The following WDR97 variants were observed in gnomAD, a reference collection of about 807,000 sequenced individuals.
WDR97 encodes WD repeat domain 97.
WDR97 carries 111 observed loss-of-function variants against 65.4 expected under a neutral mutation model. The ratio of observed to expected loss-of-function variants is 1.70; its 90% CI spans 1.45 to 1.99. The LOEUF (loss-of-function observed/expected upper bound fraction) is 1.99, where lower values mean the gene tolerates loss of function less well. WDR97 is among the 30% of genes most tolerant of loss of function. WDR97 has a pLI of 0.00. For missense variants in WDR97, 1,674 were observed against 865.0 expected (o/e 1.94, Z -11.73); for synonymous variants, 802 against 397.7 (o/e 2.02, Z -12.10).
At chr8:144,113,912 C>T (rs1216189564) in intron 17 of WDR97, 31 bp downstream of exon 17, 3 of 686,500 alleles carry the variant, frequency 4.4e-6, no homozygotes, top group African/African-American at 1.8e-5. Flanking sequence ...CCCAGGCCAC[C>T]ACGGGAGGTG....
At position 144,109,396 on chromosome 8, in the gene WDR97, CGGGACGCTACGCACCT is replaced by C. The variant is rs1836491694; in HGVS notation, c.1068_1083del (p.Leu357CysfsTer10). The C allele has an allele frequency of 1.4e-6, 1 of 702,558 alleles. No homozygotes were observed. Among genetic ancestry groups the C allele is most frequent in the African/African-American group, 1.7e-5 (1 of 57,390 alleles). The allele number at this position is 702,558 out of a possible 1,614,324, so 43.5% of individuals were successfully genotyped here. ...CCCTGGTGTTGTCGGCCTCGCAGGACGGGACGCTACGCACCTGGGACCTGCAGGCGGCGGCGCAGGT... is the reference window on the plus strand; with the variant it reads ...CCCTGGTGTTGTCGGCCTCGCAGGACGGGACCTGCAGGCGGCGGCGCAGGT... On this transcript the variant is annotated frameshift_variant, in exon 5 of 24. Transcript: ENST00000323662. LOFTEE classifies it high-confidence loss of function.
In WDR97 at chr8:144,111,659, C is replaced by G. The variant is rs143648015; in HGVS notation, c.2515C>G (p.Arg839Gly). 1.7e-5 allele frequency: 12 copies of G among 696,860 alleles called. No individual in the cohort carries two copies. The highest frequency in any genetic ancestry group is 2.6e-5 in the Non-Finnish European group (10 of 381,514). The allele number at this position is 696,860 out of a possible 1,614,324, so 43.2% of individuals were successfully genotyped here. A position where few individuals can be genotyped will look rare whatever the true frequency, so the allele number is the denominator to read the frequency against. ...EDLDAIVARD[R>G]DLQQLRLGLV... ...CTTGGACGCCATAGTGGCCCGGGAC[C>G]GAGACCTTCAGCAGTTGAGGCTGGG... The change falls in exon 12 of 24, where the codon CGA (arginine) becomes GGA (glycine). Residue 839 changes from arginine (R) to glycine (G), a missense_variant. Transcript: ENST00000323662.
In WDR97 at chr8:144,115,981, A is replaced by AGAGGTCCGC. The variant is rs758056527; in HGVS notation, c.4646_4654dup (p.Arg1549_Ala1551dup). The AGAGGTCCGC allele has an allele frequency of 5.0e-5, 35 of 700,820 alleles. No homozygotes were observed. In the Admixed American group the frequency reaches 5.2e-4, roughly 10 times the overall value. 43.4% of individuals were successfully genotyped at this position (700,820 alleles called of 1,614,324 possible). On this transcript the variant is annotated inframe_insertion, in exon 23 of 24. Coordinates refer to ENST00000323662, the MANE Select transcript of WDR97 (RefSeq NM_001316309.2). ...CTCCGGCTGCAGGAGGCCAAGCCGC[A>AGAGGTCCGC]GAGGTCCGCGAGGTCCGCGATGAGA...
At position 144,109,726 on chromosome 8, in the gene WDR97, C is replaced by T. The variant is rs1218528997; in HGVS notation, c.1392C>T (p.Arg464=). The change falls in exon 5 of 24, where the codon CGC becomes CGT. Residue 464 remains arginine, a synonymous_variant. Coordinates refer to ENST00000323662, the MANE Select transcript of WDR97 (RefSeq NM_001316309.2). ...ACCTCCTGTCGGCGGCCACCGGGCG[C>T]ATAGTGAGCTCACTGCTGCTGGAGC... ...SVYLLSAATG[R]IVSSLLLEPE... is the part of the protein sequence containing the mutation. 1.9e-5 allele frequency: 13 copies of T among 681,396 alleles called. No homozygotes were observed. The highest frequency in any genetic ancestry group is 3.5e-5 in the Non-Finnish European group (13 of 376,608). The allele number at this position is 681,396 out of a possible 1,614,324, so 42.2% of individuals were successfully genotyped here.
chr8:144,115,861 G>A lies in WDR97; in HGVS notation c.4595+3G>A, dbSNP rs1836644379. On this transcript the variant is annotated splice_donor_region_variant and intron_variant, in intron 22 of 23. Coordinates refer to ENST00000323662, the MANE Select transcript of WDR97 (RefSeq NM_001316309.2). Reference sequence around the variant, plus strand: ...GTGCCACCTCCGCGGGAGCACTGGTGCGCGGGGCCTGCGCCGGCGGGGCCT... The same window carrying A: ...GTGCCACCTCCGCGGGAGCACTGGTACGCGGGGCCTGCGCCGGCGGGGCCT... The A allele has an allele frequency of 1.4e-6, 1 of 693,932 alleles. No individual in the cohort carries two copies. Among genetic ancestry groups the A allele is most frequent in the Non-Finnish European group, 2.6e-6 (1 of 379,552 alleles). The allele number at this position is 693,932 out of a possible 1,614,324, so 43.0% of individuals were successfully genotyped here.
At position 144,110,981 on chromosome 8, in the gene WDR97, A is replaced by G. The variant is rs1564321271; in HGVS notation, c.2289A>G (p.Thr763=). The G allele has an allele frequency of 1.4e-6, 1 of 702,680 alleles. No individual in the cohort carries two copies. The highest frequency in any genetic ancestry group is 2.7e-5 in the East Asian group (1 of 37,262). 43.5% of individuals were successfully genotyped at this position (702,680 alleles called of 1,614,324 possible). The change falls in exon 9 of 24, where the codon ACA becomes ACG. Residue 763 remains threonine, a synonymous_variant. Coordinates refer to ENST00000323662, the MANE Select transcript of WDR97 (RefSeq NM_001316309.2). ...CLVSHRLYLP[T]SYLVKKMCRK... is the part of the protein sequence containing the mutation. ...TGTCCCACAGGCTCTACCTGCCTAC[A>G]TCCTACCTAGTTAAGGTGTGTGGTG...
At position 144,110,924 on chromosome 8, in the gene WDR97, G is replaced by A. The variant is rs561570693; in HGVS notation, c.2232G>A (p.Leu744=). Residue 744 remains leucine, a synonymous_variant, in exon 9 of 24, where the codon CTG becomes CTA. Transcript: ENST00000323662. ...ALAFCSNSGD[L]VLALGSRLCL... ...CTTTCTGCAGCAACAGTGGAGACCTGGTGCTGGCGCTGGGATCCCGCCTCT... is the reference window on the plus strand; with the variant it reads ...CTTTCTGCAGCAACAGTGGAGACCTAGTGCTGGCGCTGGGATCCCGCCTCT... The A allele has an allele frequency of 1.7e-5, 12 of 702,824 alleles. No homozygotes were observed. In the African/African-American group the frequency reaches 2.1e-4, roughly 12 times the overall value. 43.5% of individuals were successfully genotyped at this position (702,824 alleles called of 1,614,324 possible).
intron 10 of WDR97, 70 bp from the exon 11 acceptor site, chr8:144,111,356 T>A: frequency 1.4e-6 from 1 of 702,726 alleles, no homozygotes; most frequent in Non-Finnish European, 2.6e-6. Flanking sequence ...GGTTGGTCCT[T>A]GTCCCAGCCT....
chr8:144,110,456 A>G lies in WDR97; in HGVS notation c.1959A>G (p.Arg653=). The change falls in exon 7 of 24, where the codon AGA becomes AGG. Residue 653 remains arginine, a synonymous_variant. Transcript: ENST00000323662. ...CCGTGGCGCTCTGTGCGCTAGGCAG[A>G]CGCGTCACCGCGGGCTTTGAGGACC... ...YPAVALCALG[R]RVTAGFEDPD... The G allele has an allele frequency of 1.4e-6, 1 of 702,998 alleles. No individual in the cohort carries two copies. The highest frequency in any genetic ancestry group is 2.7e-5 in the East Asian group (1 of 37,284). 43.5% of individuals were successfully genotyped at this position (702,998 alleles called of 1,614,324 possible).
rs1401316468 is a variant in WDR97 at position 144,114,695 on chromosome 8, A to G, written c.3914+20A>G. The G allele has an allele frequency of 5.7e-6, 4 of 702,582 alleles. No homozygotes were observed. Among genetic ancestry groups the G allele is most frequent in the South Asian group, 4.4e-5 (3 of 67,584 alleles). The allele number at this position is 702,582 out of a possible 1,614,324, so 43.5% of individuals were successfully genotyped here. ...CTGCCGGTGAGTTGCGCTCCTGCCC[A>G]GCCCTCCCTGCCACTGGGAAGGCCT... On this transcript the variant is annotated intron_variant, in intron 20 of 23. Coordinates refer to ENST00000323662, the MANE Select transcript of WDR97 (RefSeq NM_001316309.2).
chr8:144,109,676 T>A lies in WDR97; in HGVS notation c.1342T>A (p.Cys448Ser). ...CCAGTCGCTGCCTACGCGCCTCGTG[T>A]GCGCGTGCGCCGACGGCTCGGTCTA... The part of the protein sequence containing the change: ...AHQSLPTRLV[C>S]ACADGSVYLL... Residue 448 changes from cysteine to serine, a missense_variant, in exon 5 of 24, where the codon TGC (cysteine) becomes AGC (serine). Cys to Ser is a moderately radical substitution (Grantham distance 112). Transcript: ENST00000323662. 1 of 666,120 alleles carries A rather than the reference T, an allele frequency of 1.5e-6. No individual in the cohort carries two copies. The highest frequency in any genetic ancestry group is 2.7e-6 in the Non-Finnish European group (1 of 369,378). The allele number at this position is 666,120 out of a possible 1,614,324, so 41.3% of individuals were successfully genotyped here.
At position 144,112,447 on chromosome 8, in the gene WDR97, A is replaced by C; in HGVS notation, c.3022A>C (p.Ile1008Leu). The C allele has an allele frequency of 2.8e-6, 2 of 702,492 alleles. No homozygotes were observed. The highest frequency in any genetic ancestry group is 5.2e-6 in the Non-Finnish European group (2 of 384,874). 43.5% of individuals were successfully genotyped at this position (702,492 alleles called of 1,614,324 possible). A position where few individuals can be genotyped will look rare whatever the true frequency, so the allele number is the denominator to read the frequency against. ...DLPSSHLQCRIPLLPKRWDKE... is the reference protein window; with the variant it reads ...DLPSSHLQCRLPLLPKRWDKE... ...TCTGAGCCCCCATTCCATCCCCCAG[A>C]TCCCACTGCTGCCAAAGAGATGGGA... The change falls in exon 15 of 24, where the codon ATC (isoleucine) becomes CTC (leucine). Residue 1008 changes from isoleucine to leucine, a missense_variant and splice_region_variant. Transcript: ENST00000323662.
Position 144,114,142 on chromosome 8 carries a change from T to C in WDR97, c.3574T>C (p.Phe1192Leu). Residue 1192 changes from phenylalanine (F) to leucine (L), a missense_variant, in exon 18 of 24, where the codon TTC becomes CTC. Physicochemically the swap from Phe to Leu is conservative, Grantham distance 22. Coordinates refer to ENST00000323662, the MANE Select transcript of WDR97 (RefSeq NM_001316309.2). ...CTACCAGACCTGGTTCAAAAAGTTG[T>C]TCCCCATCTTCAGCCTGCAGGTTGG... is the stretch of plus-strand genomic sequence containing the variant. ...FIYQTWFKKL[F>L]PIFSLQAYPE... 1.4e-6 allele frequency: 1 copy of C among 702,760 alleles called. No homozygotes were observed. The highest frequency in any genetic ancestry group is 2.7e-5 in the East Asian group (1 of 37,292). The allele number at this position is 702,760 out of a possible 1,614,324, so 43.5% of individuals were successfully genotyped here.
chr8:144,115,825 C>G lies in WDR97; in HGVS notation c.4562C>G (p.Pro1521Arg), dbSNP rs1836643167. Residue 1521 changes from proline (P) to arginine (R), a missense_variant, in exon 22 of 24, where the codon CCC (proline) becomes CGC (arginine). Pro to Arg is a moderately radical substitution (Grantham distance 103, BLOSUM62 -2). Transcript: ENST00000323662. ...PPEPYTVAPV[P>R]DMVVPPPREH... is the part of the protein sequence containing the mutation. ...GAGCCCTACACGGTGGCGCCGGTGC[C>G]CGACATGGTGGTGCCACCTCCGCGG... 1.5e-6 allele frequency: 1 copy of G among 687,712 alleles called. No individual in the cohort carries two copies. The highest frequency in any genetic ancestry group is 2.7e-6 in the Non-Finnish European group (1 of 375,658). The allele number at this position is 687,712 out of a possible 1,614,324, so 42.6% of individuals were successfully genotyped here. A position where few individuals can be genotyped will look rare whatever the true frequency, so the allele number is the denominator to read the frequency against.
chr8:144,112,479 A>T lies in WDR97; in HGVS notation c.3054A>T (p.Glu1018Asp). 1 of 702,348 alleles carries T rather than the reference A, an allele frequency of 1.4e-6. No homozygotes were observed. The highest frequency in any genetic ancestry group is 2.6e-6 in the Non-Finnish European group (1 of 384,830). The allele number at this position is 702,348 out of a possible 1,614,324, so 43.5% of individuals were successfully genotyped here. Residue 1018 changes from glutamate to aspartate, a missense_variant, in exon 15 of 24, where the codon GAA (glutamate) becomes GAT (aspartate). Physicochemically the swap from Glu to Asp is conservative, Grantham distance 45. Coordinates refer to ENST00000323662, the MANE Select transcript of WDR97 (RefSeq NM_001316309.2). ...IPLLPKRWDKEPLSSLRGFFP... is the reference protein window; with the variant it reads ...IPLLPKRWDKDPLSSLRGFFP... ...TGCTGCCAAAGAGATGGGACAAGGAACCTCTCTCTAGCCTCAGGGGCTTCT... is the reference window on the plus strand; with the variant it reads ...TGCTGCCAAAGAGATGGGACAAGGATCCTCTCTCTAGCCTCAGGGGCTTCT...
Position 144,115,687 on chromosome 8 carries a change from A to C in WDR97, c.4424A>C (p.His1475Pro), listed in dbSNP as rs1836638239. ...CCGCTGGAGGAGACCGACTGGTCGC[A>C]CTCGCAGCTGCTGGACTTGGGCCCC... The part of the protein sequence containing the change: ...PPPLEETDWS[H>P]SQLLDLGPID... The change falls in exon 22 of 24, where the codon CAC (histidine) becomes CCC (proline). Residue 1475 changes from histidine (H) to proline (P), a missense_variant. Coordinates refer to ENST00000323662, the MANE Select transcript of WDR97 (RefSeq NM_001316309.2). The C allele has an allele frequency of 2.9e-6, 2 of 700,322 alleles. No individual in the cohort carries two copies. The allele number at this position is 700,322 out of a possible 1,614,324, so 43.4% of individuals were successfully genotyped here. A position where few individuals can be genotyped will look rare whatever the true frequency, so the allele number is the denominator to read the frequency against.
In WDR97 at chr8:144,110,552, G is replaced by A. The variant is rs1399182198; in HGVS notation, c.2055G>A (p.Gln685=). The part of the protein sequence containing the change: ...GDSPRLDHRP[Q]DDPTDHITGL... ...GTCCGCGATTAGACCACCGGCCCCA[G>A]GACGACCCCACGGACCACATCACTG... Residue 685 remains glutamine (Q), a synonymous_variant, in exon 7 of 24, where the codon CAG becomes CAA. Coordinates refer to ENST00000323662, the MANE Select transcript of WDR97 (RefSeq NM_001316309.2). 6 of 702,874 alleles carry A rather than the reference G, an allele frequency of 8.5e-6. No individual in the cohort carries two copies. In the Admixed American group the frequency reaches 1.0e-4, roughly 12 times the overall value. 43.5% of individuals were successfully genotyped at this position (702,874 alleles called of 1,614,324 possible).
intron 15 of WDR97, chr8:144,112,944 A>G (rs1836578596): frequency 1.4e-5 from 4 of 291,988 alleles, no homozygotes; most frequent in African/African-American, 4.3e-5. Context: ...CTGTCTTCCC[A>G]CCCTCACGTA....
At position 144,109,007 on chromosome 8, in the gene WDR97, C is replaced by T. The variant is rs566221474; in HGVS notation, c.879-42C>T. 1.6e-4 allele frequency: 116 copies of T among 703,094 alleles called. No homozygotes were observed. In the South Asian group the frequency reaches 1.7e-3, roughly 10 times the overall value. 43.6% of individuals were successfully genotyped at this position (703,094 alleles called of 1,614,324 possible). ...GGGCACACGGCCCTCACACACAAGG[C>T]GATGTTAAGTCCATTGGGATTCTCC... On this transcript the variant is annotated intron_variant, in intron 3 of 23. Coordinates refer to ENST00000323662, the MANE Select transcript of WDR97 (RefSeq NM_001316309.2).
Sources: gnomAD v4.1 joint callset for allele counts on GRCh38, gnomAD v4.1.1 for gene constraint, MANE v1.5 for transcripts, NCBI Gene and HGNC (gene_info 2026-07-23, HGNC 2026-07-21) for gene names.